The following SNTB2 variants were observed in gnomAD, a reference collection of about 807,000 sequenced individuals.
The protein encoded by SNTB2 is beta-2-syntrophin.
Under a neutral mutation model 46.2 loss-of-function variants are expected in SNTB2, and 34 were observed. The observed-to-expected ratio is 0.74, with a 90% CI of 0.56 to 0.98. The LOEUF is 0.98. Among genes scored for constraint, SNTB2 ranks in the 50% least tolerant of loss-of-function variants. SNTB2 has a pLI of 0.00. For synonymous variants in SNTB2, 290 were observed against 312.6 expected (o/e 0.93, Z 0.76); for missense variants, 603 against 731.4 (o/e 0.82, Z 2.02).
Position 69,301,178 on chromosome 16 carries a change from T to C in SNTB2, c.*254T>C. On this transcript the variant is annotated 3_prime_UTR_variant, in exon 7 of 7. Coordinates refer to ENST00000336278, the MANE Select transcript of SNTB2 (RefSeq NM_006750.4). ...TATTCTCATTTCAAAATATGGTTTA[T>C]GAGTAATTAGGTTTATTTCTACTGC... 1 of 363,512 alleles carries C rather than the reference T, an allele frequency of 2.8e-6. No homozygotes were observed. Among genetic ancestry groups the C allele is most frequent in the East Asian group, 4.2e-5 (1 of 23,792 alleles). 22.5% of individuals were successfully genotyped at this position (363,512 alleles called of 1,614,324 possible).
intron 3 of SNTB2, among the ~76,000 whole-genome samples, chr16:69,268,878 T>C (rs767860178): frequency 1.1e-4 from 15 of 140,774 alleles, no homozygotes; most frequent in East Asian, 8.5e-4. Flanking sequence ...AAAAAAATAA[T>C]AACACTGTGG....
chr16:69,188,255 A>C (rs557766385), intron 1 of SNTB2, among the ~76,000 whole-genome samples: 1 of 152,292 alleles, frequency 6.6e-6, no homozygotes, highest in South Asian at 2.1e-4. Context: ...ACAATAACCA[A>C]AGGAGATCAT....
chr16:69,268,709 C>A (rs1964909368), intron 3 of SNTB2, among the ~76,000 whole-genome samples: 1 of 150,932 alleles, frequency 6.6e-6, no homozygotes, highest in Admixed American at 6.6e-5. Context: ...TACTAAAATA[C>A]AAAAAATTAG....
At chr16:69,263,219 A>T (rs1191969074) in intron 3 of SNTB2, among the ~76,000 whole-genome samples, 1 of 149,724 alleles carries the variant, frequency 6.7e-6, no homozygotes, top group South Asian at 2.1e-4. Flanking sequence ...CAGTCCTCCC[A>T]CTTCAGTATC....
At chr16:69,269,370 A>C (rs1964916448) in intron 3 of SNTB2, among the ~76,000 whole-genome samples, 1 of 151,702 alleles carries the variant, frequency 6.6e-6, no homozygotes, top group South Asian at 2.1e-4. Flanking sequence ...TACAAAAGTT[A>C]GCTGGGCGTG....
At chr16:69,267,296 C>A (rs1238243982) in intron 3 of SNTB2, among the ~76,000 whole-genome samples, 1 of 152,108 alleles carries the variant, frequency 6.6e-6, no homozygotes, top group Non-Finnish European at 1.5e-5. Context: ...GGATTACAGG[C>A]GTGAGCTACC....
At chr16:69,198,953 A>G (rs1246025890) in intron 1 of SNTB2, among the ~76,000 whole-genome samples, 1 of 149,896 alleles carries the variant, frequency 6.7e-6, no homozygotes, top group Admixed American at 6.7e-5. Context: ...CTGGAGTGCA[A>G]TGGCACGATC....
chr16:69,221,647 A>G (rs997232602), intron 1 of SNTB2, among the ~76,000 whole-genome samples: 2 of 152,118 alleles, frequency 1.3e-5, no homozygotes, highest in Non-Finnish European at 2.9e-5. Flanking sequence ...ATGGTGGCGC[A>G]CGCCTGTAAT....
chr16:69,270,196 T>C lies in SNTB2; in HGVS notation c.1059T>C (p.Thr353=), dbSNP rs542151217. ...QQWRPVLMAV[T]EKDLLLYDCM... Reference sequence around the variant, plus strand: ...GGAGACCTGTCCTCATGGCTGTGACTGAGAAGGATTTGCTGCTCTATGACT... The same window carrying C: ...GGAGACCTGTCCTCATGGCTGTGACCGAGAAGGATTTGCTGCTCTATGACT... The change falls in exon 4 of 7, where the codon ACT becomes ACC. Residue 353 remains threonine (T), a synonymous_variant. Coordinates refer to ENST00000336278, the MANE Select transcript of SNTB2 (RefSeq NM_006750.4). 320 of 1,613,844 alleles carry C rather than the reference T, an allele frequency of 2.0e-4. No individual in the cohort carries two copies. The highest frequency in any genetic ancestry group is 3.3e-4 in the South Asian group (30 of 91,078).
chr16:69,270,377 TAAA>T (rs1964926385), intron 4 of SNTB2, 92 bp downstream of exon 4: 1 of 1,481,612 alleles, frequency 6.7e-7, no homozygotes, highest in African/African-American at 1.4e-5. Flanking sequence ...CTTAGGTGCC[TAAA>T]AGAGCATTTA....
Position 69,281,933 on chromosome 16 carries a change from C to T in SNTB2, c.1149-2115C>T, listed in dbSNP as rs113517819. On this transcript the variant is annotated intron_variant, in intron 4 of 6. Transcript: ENST00000336278. ...TTTTTTTTTTTTTTTGAGAGGGAGT[C>T]TCGCTCTTGTTGCCCAGGCTGGAGT... Among the ~76,000 whole-genome samples, 984 of 133,492 alleles carry T rather than the reference C, an allele frequency of 7.4e-3. 16 individuals carry two copies. Among genetic ancestry groups the T allele is most frequent in the African/African-American group, 0.025 (876 of 34,868 alleles). The allele number at this position is 133,492 out of a possible 152,430, so 87.6% of individuals were successfully genotyped here.
chr16:69,289,398 A>G (rs1039417618), intron 5 of SNTB2, among the ~76,000 whole-genome samples: 2 of 152,152 alleles, frequency 1.3e-5, no homozygotes, highest in East Asian at 3.8e-4. Context: ...ACATACAATT[A>G]GAAAGAAGGA....
intron 5 of SNTB2, among the ~76,000 whole-genome samples, chr16:69,295,025 T>G (rs1965208930): frequency 6.6e-6 from 1 of 151,964 alleles, no homozygotes; most frequent in Admixed American, 6.6e-5. Context: ...TTCACCATGT[T>G]GCCCAGGCTG....
At chr16:69,250,727 T>C (rs1359738103) in intron 2 of SNTB2, among the ~76,000 whole-genome samples, 1 of 151,660 alleles carries the variant, frequency 6.6e-6, no homozygotes, top group Non-Finnish European at 1.5e-5. Flanking sequence ...TAACAAAAAA[T>C]TGCCCAGGCA....
rs981154987 is a variant in SNTB2, at chr16:69,305,048, G to A, written c.*4124G>A. The A allele has an allele frequency of 2.6e-5, 4 of 152,076 alleles. No homozygotes were observed. Among genetic ancestry groups the A allele is most frequent in the African/African-American group, 7.2e-5 (3 of 41,400 alleles). 9.4% of individuals were successfully genotyped at this position (152,076 alleles called of 1,614,324 possible). A position where few individuals can be genotyped will look rare whatever the true frequency, so the allele number is the denominator to read the frequency against. ...GTTTCTCCTAGAAACAGGTTTTGCT[G>A]TAAATGGTTTTGATGGGCGAAAGTG... On this transcript the variant is annotated 3_prime_UTR_variant, in exon 7 of 7. Transcript: ENST00000336278.
intron 2 of SNTB2, among the ~76,000 whole-genome samples, chr16:69,258,222 C>T (rs1429765887): frequency 1.3e-5 from 2 of 152,028 alleles, no homozygotes; most frequent in Non-Finnish European, 2.9e-5. Context: ...TTGTAGCCTA[C>T]CATGAAAAAC....
At chr16:69,205,391 G>A (rs1233227572) in intron 1 of SNTB2, among the ~76,000 whole-genome samples, 1 of 150,622 alleles carries the variant, frequency 6.6e-6, no homozygotes, top group Admixed American at 6.6e-5. Flanking sequence ...GTAGAGACGG[G>A]GTTTCACCAC....
At chr16:69,263,144 T>C (rs559049077) in intron 3 of SNTB2, among the ~76,000 whole-genome samples, 2 of 151,694 alleles carry the variant, frequency 1.3e-5, no homozygotes, top group South Asian at 4.2e-4. Flanking sequence ...TCTCATTCTT[T>C]CACCTGAGCT....
intron 1 of SNTB2, among the ~76,000 whole-genome samples, chr16:69,230,101 T>G (rs1265492033): frequency 2.0e-5 from 3 of 149,446 alleles, no homozygotes; most frequent in African/African-American, 7.6e-5. Flanking sequence ...GGCATGTATT[T>G]AAGTTAACTT....
Sources: allele counts gnomAD v4.1 joint callset (sites outside exome capture counted in the v4.1 genomes callset), GRCh38; gene constraint gnomAD v4.1.1; transcripts MANE v1.5; gene names NCBI Gene and HGNC (gene_info 2026-07-23, HGNC 2026-07-21).